The following TRPC6 variants were observed in gnomAD, a reference collection of about 807,000 sequenced individuals.
TRPC6 encodes the protein short transient receptor potential channel 6.
A neutral mutation model predicts 90.7 loss-of-function variants in TRPC6; 55 were observed. The ratio of observed to expected loss-of-function variants is 0.61; its 90% CI spans 0.49 to 0.76. TRPC6 has a LOEUF of 0.76. TRPC6 is among the 30% of genes least tolerant of loss of function. The pLI is 0.00. For missense variants in TRPC6, 989 were observed against 1,122.7 expected, an observed-to-expected ratio of 0.88 and a Z score of 1.70; for synonymous variants, 393 against 393.0, an observed-to-expected ratio of 1.00 and a Z score of 0.00.
At chr11:101,574,793 A>T (rs1431388796) in intron 1 of TRPC6, among the ~76,000 whole-genome samples, 1 of 152,186 alleles carries the variant, frequency 6.6e-6, no homozygotes, top group African/African-American at 2.4e-5. Flanking sequence ...CCCTAAAAGA[A>T]TTTTTAAGTT....
intron 1 of TRPC6, among the ~76,000 whole-genome samples, chr11:101,558,739 G>C (rs1192074909): frequency 6.6e-6 from 1 of 152,096 alleles, no homozygotes; most frequent in Admixed American, 6.6e-5. Context: ...TTTTGACAAA[G>C]GTGCCAAGAA....
At chr11:101,514,926 C>CT (rs1248800990) in intron 1 of TRPC6, among the ~76,000 whole-genome samples, 1 of 152,168 alleles carries the variant, frequency 6.6e-6, no homozygotes, top group African/African-American at 2.4e-5. Context: ...AAGAACAAAG[C>CT]TTTAAAGAAA....
intron 1 of TRPC6, among the ~76,000 whole-genome samples, chr11:101,510,138 C>G (rs1459218755): frequency 6.6e-6 from 1 of 152,146 alleles, no homozygotes; most frequent in South Asian, 2.1e-4. Flanking sequence ...CCTGGAGAAG[C>G]AATAAAAGAT....
intron 1 of TRPC6, among the ~76,000 whole-genome samples, chr11:101,528,628 T>A (rs1667629179): frequency 6.6e-6 from 1 of 152,178 alleles, no homozygotes; most frequent in Non-Finnish European, 1.5e-5. Flanking sequence ...TTATGTGTAG[T>A]CTGCTTTCTC....
At chr11:101,564,348 C>T (rs1306589514) in intron 1 of TRPC6, among the ~76,000 whole-genome samples, 1 of 152,130 alleles carries the variant, frequency 6.6e-6, no homozygotes, top group Non-Finnish European at 1.5e-5. Flanking sequence ...AACTCTCTTA[C>T]TGTATCTAAT....
intron 2 of TRPC6, among the ~76,000 whole-genome samples, chr11:101,495,740 G>T (rs1050993837): frequency 4.6e-5 from 7 of 151,602 alleles, no homozygotes; most frequent in Middle Eastern, 3.2e-3. Context: ...GATATTATCT[G>T]CAGGTGTTGG....
intron 1 of TRPC6, among the ~76,000 whole-genome samples, chr11:101,515,943 T>C (rs1418323787): frequency 6.6e-6 from 1 of 152,034 alleles, no homozygotes. Flanking sequence ...CCAAATAACT[T>C]TATAGGTGTT....
chr11:101,498,719 A>C (rs941480140), intron 2 of TRPC6, among the ~76,000 whole-genome samples: 3 of 152,124 alleles, frequency 2.0e-5, no homozygotes, highest in African/African-American at 7.2e-5. Context: ...ACAGAGGTAC[A>C]TTAATACTTT....
chr11:101,560,581 A>T (rs1442855839), intron 1 of TRPC6, among the ~76,000 whole-genome samples: 1 of 152,176 alleles, frequency 6.6e-6, no homozygotes, highest in African/African-American at 2.4e-5. Context: ...TTACTAAGCC[A>T]TAGCCACTGC....
At chr11:101,568,547 A>C (rs1298340328) in intron 1 of TRPC6, among the ~76,000 whole-genome samples, 1 of 152,190 alleles carries the variant, frequency 6.6e-6, no homozygotes, top group Non-Finnish European at 1.5e-5. Flanking sequence ...TAGCAACACC[A>C]AGACACATAA....
intron 1 of TRPC6, among the ~76,000 whole-genome samples, chr11:101,561,753 A>C (rs1325493930): frequency 6.6e-6 from 1 of 151,850 alleles, no homozygotes; most frequent in African/African-American, 2.4e-5. Context: ...GGAAAGAAAA[A>C]CAATTACAAT....
intron 10 of TRPC6, among the ~76,000 whole-genome samples, chr11:101,458,093 T>C (rs1453047365): frequency 6.6e-6 from 1 of 152,144 alleles, no homozygotes; most frequent in Non-Finnish European, 1.5e-5. Context: ...CAAAAGCATC[T>C]AGCACAAAAC....
At chr11:101,471,924 TA>T (rs1302340525) in intron 8 of TRPC6, among the ~76,000 whole-genome samples, 2 of 152,210 alleles carry the variant, frequency 1.3e-5, no homozygotes, top group African/African-American at 2.4e-5. Flanking sequence ...TTCTGCTTCT[TA>T]TGCCTTACGT....
chr11:101,483,702 G>A (rs953863920), intron 4 of TRPC6, among the ~76,000 whole-genome samples: 2 of 152,126 alleles, frequency 1.3e-5, no homozygotes, highest in Non-Finnish European at 2.9e-5. Flanking sequence ...TGAGGACAGG[G>A]CAGCAGGACA....
chr11:101,456,011 A>G (rs1202026982), intron 10 of TRPC6, among the ~76,000 whole-genome samples: 1 of 152,184 alleles, frequency 6.6e-6, no homozygotes, highest in South Asian at 2.1e-4. Context: ...TATAAATTTG[A>G]AAATAGCATC....
At position 101,469,508 on chromosome 11, in the gene TRPC6, A is replaced by G. The variant is rs1437411229; in HGVS notation, c.2410-7T>C. 3 of 754,094 alleles carry G rather than the reference A, an allele frequency of 4.0e-6. No individual in the cohort carries two copies. In the African/African-American group the frequency reaches 5.1e-5, roughly 13 times the overall value. The allele number at this position is 754,094 out of a possible 1,614,324, so 46.7% of individuals were successfully genotyped here. On this transcript the variant is annotated splice_region_variant and splice_polypyrimidine_tract_variant and intron_variant, in intron 9 of 12. Coordinates refer to ENST00000344327, the MANE Select transcript of TRPC6 (RefSeq NM_004621.6). ...GTTTCTTTTCTTCATTTATCTTTTA[A>G]AGATAGATAGTAAAATGAGTATAAC...
rs1393768669 is a variant in TRPC6, at chr11:101,509,136, C to CTTT, written c.171-4341_171-4339dup. Among the ~76,000 whole-genome samples the CTTT allele has an allele frequency of 3.8e-4, 18 of 47,822 alleles. No homozygotes were observed. The East Asian group carries it at 5.3e-3, about 14-fold the overall frequency. 31.4% of individuals were successfully genotyped at this position (47,822 alleles called of 152,430 possible). ...TTGATGTAAGTTGTTTTGTCTTTTTCTTTTTTTTTTGAGACAGGATCTCGT... is the reference window on the plus strand; with the variant it reads ...TTGATGTAAGTTGTTTTGTCTTTTTCTTTTTTTTTTTTTGAGACAGGATCTCGT... On this transcript the variant is annotated intron_variant, in intron 1 of 12. Transcript: ENST00000344327.
At chr11:101,459,506 T>C (rs1858956825) in intron 10 of TRPC6, among the ~76,000 whole-genome samples, 1 of 152,194 alleles carries the variant, frequency 6.6e-6, no homozygotes, top group Non-Finnish European at 1.5e-5. Context: ...AACAGTTTGT[T>C]TTAAGCTATG....
intron 1 of TRPC6, among the ~76,000 whole-genome samples, chr11:101,566,445 A>G (rs1861832890): frequency 6.6e-6 from 1 of 152,238 alleles, no homozygotes; most frequent in Non-Finnish European, 1.5e-5. Context: ...AAAAAGATGT[A>G]TCCCCATAGG....
Sources: allele counts gnomAD v4.1 joint callset (sites outside exome capture counted in the v4.1 genomes callset), GRCh38; gene constraint gnomAD v4.1.1; transcripts MANE v1.5; gene names NCBI Gene and HGNC (gene_info 2026-07-23, HGNC 2026-07-21).